The following NOXRED1 variants were observed in gnomAD, a reference collection of about 807,000 sequenced individuals.
The protein encoded by NOXRED1 is NADP-dependent oxidoreductase domain-containing protein 1.
A neutral mutation model predicts 30.4 loss-of-function variants in NOXRED1; 20 were observed. That is an observed-to-expected ratio of 0.66 (90% CI 0.46 to 0.96). The LOEUF is 0.96. Among genes scored for constraint, NOXRED1 ranks in the 40% least tolerant of loss-of-function variants. The probability of loss-of-function intolerance (pLI) is 0.00; values close to 1 mark genes in which losing one functional copy is unlikely to be tolerated. For synonymous variants in NOXRED1, 155 were observed against 168.0 expected, an observed-to-expected ratio of 0.92 and a Z score of 0.60; for missense variants, 374 against 428.0, an observed-to-expected ratio of 0.87 and a Z score of 1.11.
chr14:77,406,632 CACAGAG>C lies in NOXRED1; in HGVS notation c.682+86_682+91del, dbSNP rs1359416340. ...ACACACACACACACACACACACACA[CACAGAG>C]AGAGAGAGATTGATTTAATAAGATA... On this transcript the variant is annotated intron_variant, in intron 4 of 5. Coordinates refer to ENST00000380835, the MANE Select transcript of NOXRED1 (RefSeq NM_001113475.3). The C allele has an allele frequency of 6.4e-5, 27 of 421,534 alleles. No individual in the cohort carries two copies. In the African/African-American group the frequency reaches 7.2e-4, roughly 11 times the overall value. The allele number at this position is 421,534 out of a possible 1,614,324, so 26.1% of individuals were successfully genotyped here.
At chr14:77,399,793 AC>A in intron 5 of NOXRED1, among the ~76,000 whole-genome samples, 1 of 152,304 alleles carries the variant, frequency 6.6e-6, no homozygotes. Context: ...GAGAAAGGAC[AC>A]AAGAAATATT....
intron 1 of NOXRED1, among the ~76,000 whole-genome samples, chr14:77,420,590 A>T (rs573087150): frequency 6.6e-6 from 1 of 152,150 alleles, no homozygotes; most frequent in South Asian, 2.1e-4. Flanking sequence ...TGTGTTTTGT[A>T]GCTCATTGAG....
intron 5 of NOXRED1, among the ~76,000 whole-genome samples, chr14:77,403,225 G>T (rs928919221): frequency 1.3e-5 from 2 of 152,098 alleles, no homozygotes; most frequent in Non-Finnish European, 2.9e-5. Flanking sequence ...GTAAATTAGG[G>T]TTGACAAACT....
intron 5 of NOXRED1, among the ~76,000 whole-genome samples, chr14:77,402,074 G>T (rs1017079875): frequency 6.6e-6 from 1 of 152,138 alleles, no homozygotes; most frequent in South Asian, 2.1e-4. Context: ...AAAACTCCTG[G>T]AAGATAACAT....
At chr14:77,415,790 A>C (rs1368795715) in intron 1 of NOXRED1, among the ~76,000 whole-genome samples, 2 of 148,502 alleles carry the variant, frequency 1.3e-5, no homozygotes, top group African/African-American at 5.0e-5. Flanking sequence ...GCTCACTGCA[A>C]CCTCCACCTC....
intron 2 of NOXRED1, among the ~76,000 whole-genome samples, chr14:77,412,101 TAAA>T (rs71128621): frequency 0.037 from 2,343 of 63,618 alleles, 43 homozygotes; most frequent in Middle Eastern, 0.094. Flanking sequence ...AGACTCAGTC[TAAA>T]AAAAAAAAAA....
At chr14:77,412,599 G>A (rs1894689035) in intron 2 of NOXRED1, among the ~76,000 whole-genome samples, 1 of 152,090 alleles carries the variant, frequency 6.6e-6, no homozygotes, top group Non-Finnish European at 1.5e-5. Flanking sequence ...TGCAAGCTCC[G>A]CCTCCTGGGT....
chr14:77,423,032 C>T lies in NOXRED1; in HGVS notation c.-143G>A. The stretch of plus-strand genomic sequence containing the variant: ...CACTCATGATGATGGGCTTCAGCAC[C>T]TCTCTACTCCCAGATTCTGAATTTG... On this transcript the variant is annotated 5_prime_UTR_variant, in exon 1 of 6. Transcript: ENST00000380835. The T allele has an allele frequency of 1.5e-6, 1 of 647,314 alleles. No individual in the cohort carries two copies. The highest frequency in any genetic ancestry group is 2.7e-6 in the Non-Finnish European group (1 of 370,090). The allele number at this position is 647,314 out of a possible 1,614,324, so 40.1% of individuals were successfully genotyped here.
chr14:77,405,373 T>C (rs1894429489), intron 5 of NOXRED1, among the ~76,000 whole-genome samples: 1 of 152,128 alleles, frequency 6.6e-6, no homozygotes, highest in Non-Finnish European at 1.5e-5. Flanking sequence ...CCAGCCTGGG[T>C]GACAGAGCAA....
chr14:77,425,271 T>C (rs1895095872), upstream of NOXRED1, among the ~76,000 whole-genome samples: 3 of 152,122 alleles, frequency 2.0e-5, no homozygotes, highest in South Asian at 6.2e-4. Context: ...CATACTTGAG[T>C]GGAAGTACTC....
chr14:77,394,695 G>C lies in NOXRED1; in HGVS notation c.1016C>G (p.Ala339Gly). The C allele has an allele frequency of 6.2e-7, 1 of 1,613,300 alleles. No individual in the cohort carries two copies. The highest frequency in any genetic ancestry group is 8.5e-7 in the Non-Finnish European group (1 of 1,179,292). The part of the protein sequence containing the change: ...LQDHLTHLYC[A>G]SFGISLTKEQ... ...TTTGGTTAGGGAGATGCCAAATGAAGCACAGTATAGATGGGTAAGGTGGTC... is the reference window on the plus strand; with the variant it reads ...TTTGGTTAGGGAGATGCCAAATGAACCACAGTATAGATGGGTAAGGTGGTC... Residue 339 changes from alanine to glycine, a missense_variant, in exon 6 of 6, where the codon GCT becomes GGT. Transcript: ENST00000380835.
chr14:77,396,087 T>C (rs549035063), intron 5 of NOXRED1, among the ~76,000 whole-genome samples: 2 of 151,986 alleles, frequency 1.3e-5, no homozygotes, highest in African/African-American at 2.4e-5. Context: ...AAGGCAAAGA[T>C]ACCTGCTCTC....
Position 77,409,803 on chromosome 14 carries a change from C to A in NOXRED1, c.350-2158G>T, listed in dbSNP as rs11159257. ...CCTATTGATGGGATAAAGATATATA[C>A]CTTGAGATTTTTTTTTTTTTTTTGA... is the stretch of plus-strand genomic sequence containing the variant. On this transcript the variant is annotated intron_variant, in intron 2 of 5. Transcript: ENST00000380835. 5.0e-3 allele frequency among the ~76,000 whole-genome samples: 758 copies of A among 151,212 alleles called. 7 individuals carry two copies. Among genetic ancestry groups the A allele is most frequent in the African/African-American group, 0.018 (720 of 40,966 alleles).
intron 5 of NOXRED1, among the ~76,000 whole-genome samples, chr14:77,396,336 G>A (rs1034627208): frequency 2.4e-4 from 36 of 149,104 alleles, no homozygotes; most frequent in Non-Finnish European, 3.1e-4. Context: ...CACAACCTCC[G>A]CCTCCTGGGT....
chr14:77,413,359 C>T (rs1894713002), intron 2 of NOXRED1, among the ~76,000 whole-genome samples: 1 of 151,828 alleles, frequency 6.6e-6, no homozygotes, highest in African/African-American at 2.4e-5. Context: ...CTGCGTCAGC[C>T]TCCTGAGTAG....
intron 1 of NOXRED1, among the ~76,000 whole-genome samples, chr14:77,417,115 A>T (rs1894849246): frequency 6.8e-6 from 1 of 147,110 alleles, no homozygotes; most frequent in African/African-American, 2.5e-5. Flanking sequence ...TTCTTCTGCT[A>T]TTTCTAGTAT....
At chr14:77,417,915 TTTTC>T (rs1326716265) in intron 1 of NOXRED1, among the ~76,000 whole-genome samples, 1 of 151,994 alleles carries the variant, frequency 6.6e-6, no homozygotes, top group African/African-American at 2.4e-5. Flanking sequence ...AATGACATTA[TTTTC>T]TTTTTGTTGT....
intron 1 of NOXRED1, 122 bp downstream of exon 1, chr14:77,422,613 G>C: frequency 1.1e-6 from 1 of 949,556 alleles, no homozygotes; most frequent in East Asian, 2.4e-5. Flanking sequence ...CTCTGGGTTG[G>C]AAAAGATAGG....
chr14:77,396,838 T>C (rs1014274731), intron 5 of NOXRED1, among the ~76,000 whole-genome samples: 4 of 152,118 alleles, frequency 2.6e-5, no homozygotes, highest in African/African-American at 9.7e-5. Flanking sequence ...CTCAACAAAA[T>C]TAAGATGTCA....
Sources: gnomAD v4.1 joint callset for allele counts (sites outside exome capture counted in the v4.1 genomes callset) on GRCh38, gnomAD v4.1.1 for gene constraint, MANE v1.5 for transcripts, NCBI Gene and HGNC (gene_info 2026-07-23, HGNC 2026-07-21) for gene names.